The following SLC22A15 variants were observed in gnomAD, a reference collection of about 807,000 sequenced individuals.
SLC22A15 encodes the protein solute carrier family 22 member 15.
Under a neutral mutation model 62.7 loss-of-function variants are expected in SLC22A15, and 45 were observed. That is an observed-to-expected ratio of 0.72 (90% confidence interval 0.56 to 0.92). The LOEUF (loss-of-function observed/expected upper bound fraction) is 0.92, where lower values mean the gene tolerates loss of function less well. SLC22A15 is among the 40% of genes least tolerant of loss of function. The probability of loss-of-function intolerance (pLI) is 0.00; values close to 1 mark genes in which losing one functional copy is unlikely to be tolerated. For synonymous variants in SLC22A15, 264 were observed against 267.0 expected (o/e 0.99, Z 0.11); for missense variants, 622 against 665.6 (o/e 0.93, Z 0.72).
chr1:116,062,810 G>A lies in SLC22A15; in HGVS notation c.1220G>A (p.Gly407Glu). 1 of 1,613,862 alleles carries A rather than the reference G, an allele frequency of 6.2e-7. No homozygotes were observed. ...VVNSHSLSLL[G>E]KLTISAAFNI... ...AACAGCCATTCCTTGTCCTTGCTGG[G>A]GAAGCTGACCATCAGTGCTGCCTTT... The change falls in exon 9 of 12, where the codon GGG becomes GAG. Residue 407 changes from glycine to glutamate, a missense_variant. Gly to Glu is a moderately conservative substitution (Grantham distance 98, BLOSUM62 -2). Transcript: ENST00000369503.
chr1:116,020,301 C>T (rs376928104), intron 3 of SLC22A15, among the ~76,000 whole-genome samples: 3 of 149,932 alleles, frequency 2.0e-5, no homozygotes, highest in African/African-American at 7.3e-5. Context: ...GCCTGTAATC[C>T]CAGCACTTTG....
intron 1 of SLC22A15, among the ~76,000 whole-genome samples, chr1:115,988,433 TG>T (rs1260254232): frequency 6.6e-6 from 1 of 152,198 alleles, no homozygotes; most frequent in Non-Finnish European, 1.5e-5. Flanking sequence ...CCATATTCTA[TG>T]TGTAGGTGAT....
At chr1:116,010,578 C>T (rs752803695) in intron 2 of SLC22A15, among the ~76,000 whole-genome samples, 1 of 152,196 alleles carries the variant, frequency 6.6e-6, no homozygotes, top group Non-Finnish European at 1.5e-5. Context: ...ACTCCCTAGT[C>T]ACAGGAGGCC....
intron 8 of SLC22A15, among the ~76,000 whole-genome samples, chr1:116,059,146 C>T (rs1425625116): frequency 1.3e-5 from 2 of 152,102 alleles, no homozygotes; most frequent in Non-Finnish European, 2.9e-5. Flanking sequence ...TGGGATGCCA[C>T]AGGACACTGA....
At chr1:115,985,342 G>A (rs1557869919) in intron 1 of SLC22A15, among the ~76,000 whole-genome samples, 2 of 152,156 alleles carry the variant, frequency 1.3e-5, no homozygotes, top group Admixed American at 1.3e-4. Context: ...TAGCCTAGGT[G>A]TATGGGAGGT....
At chr1:116,015,309 AT>A (rs1656470677) in intron 2 of SLC22A15, 1 of 152,166 alleles carries the variant, frequency 6.6e-6, no homozygotes, top group Non-Finnish European at 1.5e-5. Context: ...TCCTGCATGT[AT>A]TCCAAGAGTA....
chr1:116,052,044 C>T (rs1214941068), intron 8 of SLC22A15, among the ~76,000 whole-genome samples: 1 of 152,206 alleles, frequency 6.6e-6, no homozygotes, highest in Non-Finnish European at 1.5e-5. Context: ...GAGTGCCAGA[C>T]AGTGGGCGCA....
At chr1:116,027,133 CTT>C in intron 5 of SLC22A15, 111 bp downstream of exon 5, 1 of 1,055,522 alleles carries the variant, frequency 9.5e-7, no homozygotes, top group Admixed American at 2.1e-5. Flanking sequence ...CCTGCACTGA[CTT>C]TGGTGAAGAA....
rs370052797 is a variant in SLC22A15 at position 116,024,676 on chromosome 1, G to A, written c.599-2217G>A. Among the ~76,000 whole-genome samples the A allele has an allele frequency of 7.9e-5, 12 of 152,268 alleles. No homozygotes were observed. The South Asian group carries it at 1.9e-3, about 24-fold the overall frequency. On this transcript the variant is annotated intron_variant, in intron 4 of 11. Coordinates refer to ENST00000369503, the MANE Select transcript of SLC22A15 (RefSeq NM_018420.3). ...ATAACTAGACCATGAAGAACCAGGC[G>A]TTGAAGATGCCCAGAACCAGAAGTC...
chr1:116,065,893 GT>G (rs1219096161), intron 10 of SLC22A15, among the ~76,000 whole-genome samples: 1 of 152,118 alleles, frequency 6.6e-6, no homozygotes, highest in Non-Finnish European at 1.5e-5. Context: ...GTGATGAAAT[GT>G]TTCCGTTTTC....
At chr1:115,997,153 A>AT (rs1357053691) in intron 2 of SLC22A15, among the ~76,000 whole-genome samples, 1 of 151,958 alleles carries the variant, frequency 6.6e-6, no homozygotes. Context: ...TAATTCCAAC[A>AT]TTTTTTATGC....
chr1:116,041,947 T>G (rs1250534598), intron 8 of SLC22A15, among the ~76,000 whole-genome samples: 2 of 150,670 alleles, frequency 1.3e-5, no homozygotes, highest in African/African-American at 2.5e-5. Context: ...CTGGTTTGTT[T>G]GTTTGTTTGT....
Position 116,066,503 on chromosome 1 carries a change from A to G in SLC22A15, c.1366-17A>G, listed in dbSNP as rs749187517. 1.1e-5 allele frequency: 16 copies of G among 1,488,998 alleles called. No individual in the cohort carries two copies. The highest frequency in any genetic ancestry group is 2.5e-5 in the East Asian group (1 of 39,702). The allele number at this position is 1,488,998 out of a possible 1,614,324, so 92.2% of individuals were successfully genotyped here. ...TAATTCTCTGGTTTATTTTCATTCC[A>G]CTCCCCGCCTCTGCAGAAATATGTG... On this transcript the variant is annotated splice_polypyrimidine_tract_variant and intron_variant, in intron 10 of 11. Coordinates refer to ENST00000369503, the MANE Select transcript of SLC22A15 (RefSeq NM_018420.3).
At chr1:116,035,117 C>A (rs1211814944) in intron 6 of SLC22A15, 70 bp from the exon 7 acceptor site, 2 of 1,501,324 alleles carry the variant, frequency 1.3e-6, no homozygotes, top group Admixed American at 4.0e-5. Flanking sequence ...TCTCCTCTGG[C>A]AAATTCTTAT....
intron 2 of SLC22A15, among the ~76,000 whole-genome samples, chr1:116,011,888 G>T (rs955357037): frequency 6.6e-6 from 1 of 152,092 alleles, no homozygotes; most frequent in African/African-American, 2.4e-5. Flanking sequence ...AAATCTGTTT[G>T]CCTTTCTTTG....
At position 115,977,011 on chromosome 1, in the gene SLC22A15, G is replaced by A. The variant is rs575794405; in HGVS notation, c.87+297G>A. Reference sequence around the variant, plus strand: ...GGGGAGGTTTCTCAGCCGCTATGCTGGTTAAGGAGGGATGCAAAATTGTGT... The same window carrying A: ...GGGGAGGTTTCTCAGCCGCTATGCTAGTTAAGGAGGGATGCAAAATTGTGT... On this transcript the variant is annotated intron_variant, in intron 1 of 11. Coordinates refer to ENST00000369503, the MANE Select transcript of SLC22A15 (RefSeq NM_018420.3). 3.9e-5 allele frequency among the ~76,000 whole-genome samples: 6 copies of A among 152,290 alleles called. No homozygotes were observed. The East Asian group carries it at 1.2e-3, about 29-fold the overall frequency.
chr1:116,016,644 A>G (rs561931729), intron 2 of SLC22A15, among the ~76,000 whole-genome samples: 187 of 152,268 alleles, frequency 1.2e-3, no homozygotes, highest in Non-Finnish European at 2.2e-3. Flanking sequence ...GCTTCTTCAC[A>G]CAGAACTCTT....
chr1:116,037,448 A>G, intron 8 of SLC22A15, 60 bp downstream of exon 8: 1 of 1,237,400 alleles, frequency 8.1e-7, no homozygotes, highest in Non-Finnish European at 1.2e-6. Flanking sequence ...ATGAATCATA[A>G]TATAGTGGAG....
chr1:116,015,852 C>T (rs947260380), intron 2 of SLC22A15, among the ~76,000 whole-genome samples: 2 of 152,162 alleles, frequency 1.3e-5, no homozygotes, highest in African/African-American at 4.8e-5. Flanking sequence ...GAAGGGATCT[C>T]CCTGTGACAG....
Sources: allele counts gnomAD v4.1 joint callset (sites outside exome capture counted in the v4.1 genomes callset), GRCh38; gene constraint gnomAD v4.1.1; transcripts MANE v1.5; gene names NCBI Gene and HGNC (gene_info 2026-07-23, HGNC 2026-07-21).